Variants in IFT74 observed in about 807,000 individuals in gnomAD.
IFT74 encodes the protein intraflagellar transport 74.
IFT74 carries 92 observed loss-of-function variants against 96.7 expected under a neutral mutation model. That is an observed-to-expected ratio of 0.95 (90% CI 0.80 to 1.13). The LOEUF is 1.13. Ranked by LOEUF, IFT74 falls within the 50% of genes most tolerant of loss-of-function variation. The pLI is 0.00. For synonymous variants in IFT74, 223 were observed against 213.2 expected (o/e 1.05, Z -0.40); for missense variants, 811 against 698.2 (o/e 1.16, Z -1.82).
intron 2 of IFT74, among the ~76,000 whole-genome samples, chr9:26,975,401 A>C (rs1389431055): frequency 6.6e-6 from 1 of 152,198 alleles, no homozygotes; most frequent in Non-Finnish European, 1.5e-5. Flanking sequence ...TCCACTCTTC[A>C]TTGGAACCAA....
chr9:26,962,769 T>C (rs1238265794), intron 2 of IFT74, among the ~76,000 whole-genome samples: 1 of 151,896 alleles, frequency 6.6e-6, no homozygotes, highest in Non-Finnish European at 1.5e-5. Flanking sequence ...ATGACAGAAA[T>C]AACAAGTACT....
intron 7 of IFT74, among the ~76,000 whole-genome samples, chr9:26,989,222 T>C (rs1045817869): frequency 5.3e-5 from 8 of 152,034 alleles, no homozygotes; most frequent in African/African-American, 1.9e-4. Flanking sequence ...AGGGGGATGG[T>C]AGGAGGGCAA....
intron 4 of IFT74, 102 bp downstream of exon 4, chr9:26,980,721 A>G: frequency 1.5e-6 from 1 of 687,816 alleles, no homozygotes; most frequent in East Asian, 2.8e-5. Flanking sequence ...TTAGCTAGGC[A>G]CTTATTAGGA....
intron 1 of IFT74, among the ~76,000 whole-genome samples, chr9:26,961,155 A>G (rs1317000178): frequency 6.7e-6 from 1 of 150,286 alleles, no homozygotes; most frequent in African/African-American, 2.5e-5. Flanking sequence ...CAGTAGCGCA[A>G]TCTCGGCTCA....
chr9:26,962,185 T>C (rs1454740715), intron 2 of IFT74, 98 bp downstream of exon 2: 2 of 1,166,450 alleles, frequency 1.7e-6, no homozygotes, highest in Non-Finnish European at 2.4e-6. Flanking sequence ...ATCATGCCAC[T>C]GCACCCCAGT....
chr9:27,059,969 A>G (rs193013149), intron 18 of IFT74, among the ~76,000 whole-genome samples: 1 of 152,360 alleles, frequency 6.6e-6, no homozygotes, highest in Non-Finnish European at 1.5e-5. Flanking sequence ...GGTTAATTAA[A>G]TCAGAAAAAC....
upstream of IFT74, among the ~76,000 whole-genome samples, chr9:26,954,800 C>T (rs1222518516): frequency 6.6e-6 from 1 of 151,790 alleles, no homozygotes; most frequent in Non-Finnish European, 1.5e-5. Context: ...TTGACATAAC[C>T]TAATTACTAA....
chr9:26,956,333 G>A (rs1411059483), upstream of IFT74: 3 of 152,274 alleles, frequency 2.0e-5, no homozygotes. Context: ...ACCAAGGGCT[G>A]AGGCGGAGGA....
chr9:26,992,426 C>T (rs1427539633), intron 8 of IFT74, among the ~76,000 whole-genome samples: 1 of 152,082 alleles, frequency 6.6e-6, no homozygotes, highest in Non-Finnish European at 1.5e-5. Context: ...GGTGCAGTGG[C>T]TCATGCCTGT....
At chr9:27,057,892 G>C (rs910042667) in intron 18 of IFT74, among the ~76,000 whole-genome samples, 4 of 151,872 alleles carry the variant, frequency 2.6e-5, no homozygotes, top group African/African-American at 7.3e-5. Flanking sequence ...TCTTCATATG[G>C]TTATGTGATC....
intron 6 of IFT74, among the ~76,000 whole-genome samples, chr9:26,985,461 A>G (rs530912879): frequency 6.6e-6 from 1 of 152,232 alleles, no homozygotes; most frequent in East Asian, 1.9e-4. Context: ...CAAAAATTTC[A>G]AAAACAATAA....
intron 12 of IFT74, among the ~76,000 whole-genome samples, chr9:27,022,249 T>C (rs1045220684): frequency 6.6e-6 from 1 of 152,116 alleles, no homozygotes; most frequent in African/African-American, 2.4e-5. Flanking sequence ...TATAGTGTAG[T>C]TTGAAGTTGG....
intron 12 of IFT74, among the ~76,000 whole-genome samples, chr9:27,021,060 A>G (rs1177449472): frequency 2.0e-5 from 3 of 152,180 alleles, no homozygotes; most frequent in African/African-American, 7.2e-5. Flanking sequence ...ACTTAGAATA[A>G]CTGTCTCCAA....
chr9:26,967,817 C>T (rs1826691023), intron 2 of IFT74, among the ~76,000 whole-genome samples: 1 of 152,074 alleles, frequency 6.6e-6, no homozygotes, highest in Admixed American at 6.6e-5. Context: ...TGTTAAATGT[C>T]ATCAAATGCT....
intron 12 of IFT74, among the ~76,000 whole-genome samples, chr9:27,022,112 T>C (rs1377622329): frequency 1.3e-5 from 2 of 152,172 alleles, no homozygotes; most frequent in Non-Finnish European, 2.9e-5. Flanking sequence ...TTATGTTTTT[T>C]TTGCTTTTTC....
chr9:26,961,703 A>G (rs1265794983), intron 1 of IFT74, among the ~76,000 whole-genome samples: 1 of 152,194 alleles, frequency 6.6e-6, no homozygotes, highest in Non-Finnish European at 1.5e-5. Flanking sequence ...CTAAAGAAAT[A>G]GATAATAGAG....
rs1830001883 is a variant in IFT74, at chr9:27,029,050, A to G, written c.1000A>G (p.Asn334Asp). The change falls in exon 13 of 20, where the codon AAT becomes GAT. Residue 334 changes from asparagine (N) to aspartate (D), a missense_variant. Coordinates refer to ENST00000380062, the MANE Select transcript of IFT74 (RefSeq NM_025103.4). ...RQLTDTKEKINQFIEEIRQLD... is the reference protein window; with the variant it reads ...RQLTDTKEKIDQFIEEIRQLD... ...GTTAACAGATACAAAAGAAAAGATA[A>G]ATCAGTTTATTGAAGAAATTAGACA... The G allele has an allele frequency of 6.2e-7, 1 of 1,601,752 alleles. No individual in the cohort carries two copies. The highest frequency in any genetic ancestry group is 1.7e-5 in the Admixed American group (1 of 58,170).
chr9:27,030,668 T>G (rs1301269876), intron 13 of IFT74, among the ~76,000 whole-genome samples: 1 of 152,152 alleles, frequency 6.6e-6, no homozygotes, highest in African/African-American at 2.4e-5. Flanking sequence ...GGTCAGAATT[T>G]GGCTACAAGC....
At chr9:26,982,646 G>A (rs967933245) in intron 4 of IFT74, among the ~76,000 whole-genome samples, 1 of 151,956 alleles carries the variant, frequency 6.6e-6, no homozygotes, top group Non-Finnish European at 1.5e-5. Flanking sequence ...GTTCAGACGA[G>A]GTTTCTCAAT....
Sources: gnomAD v4.1 joint callset for allele counts (sites outside exome capture counted in the v4.1 genomes callset) on GRCh38, gnomAD v4.1.1 for gene constraint, MANE v1.5 for transcripts, NCBI Gene and HGNC (gene_info 2026-07-23, HGNC 2026-07-21) for gene names.